Variants in FLT3 observed in about 807,000 individuals in gnomAD.
FLT3 encodes the protein fms related receptor tyrosine kinase 3.
A neutral mutation model predicts 126.6 loss-of-function variants in FLT3; 46 were observed. That is an observed-to-expected ratio of 0.36 (90% CI 0.29 to 0.46). The LOEUF (loss-of-function observed/expected upper bound fraction) is 0.46, where lower values mean the gene tolerates loss of function less well. FLT3 is among the 20% of genes least tolerant of loss of function. FLT3 has a pLI of 1.00. For missense variants in FLT3, 1,069 were observed against 1,190.3 expected, an observed-to-expected ratio of 0.90 and a Z score of 1.50; for synonymous variants, 404 against 434.4, an observed-to-expected ratio of 0.93 and a Z score of 0.87.
rs2491228 is a variant in FLT3, at chr13:28,035,709, A to T, written c.1419-36T>A. ...AAATAGCAAAGAATTTAGACAGGTG[A>T]GCTGTCATCAGATTGGAAGTTAGGA... On this transcript the variant is annotated intron_variant, in intron 11 of 23. Coordinates refer to ENST00000241453, the MANE Select transcript of FLT3 (RefSeq NM_004119.3). 1,173,603 of 1,582,366 alleles carry T rather than the reference A, an allele frequency of 0.74. 446,891 individuals are homozygous for T. Among genetic ancestry groups the T allele is most frequent in the Non-Finnish European group, 0.78 (912,791 of 1,165,002 alleles).
intron 1 of FLT3, among the ~76,000 whole-genome samples, chr13:28,075,939 G>A (rs1877896484): frequency 1.3e-5 from 2 of 151,698 alleles, no homozygotes; most frequent in East Asian, 2.0e-4. Context: ...GTGATTACAG[G>A]CATGCACCAC....
At chr13:28,091,422 C>T (rs201282130) in intron 1 of FLT3, among the ~76,000 whole-genome samples, 6 of 149,866 alleles carry the variant, frequency 4.0e-5, no homozygotes, top group Non-Finnish European at 5.9e-5. Context: ...GGGGTTTCAC[C>T]GTGTTAGCCA....
At chr13:28,040,249 G>C (rs1371181499) in intron 9 of FLT3, among the ~76,000 whole-genome samples, 1 of 152,168 alleles carries the variant, frequency 6.6e-6, no homozygotes, top group Non-Finnish European at 1.5e-5. Flanking sequence ...TCTGTGATAG[G>C]AGAAGTAAAA....
At chr13:28,027,476 T>C (rs1449547194) in intron 16 of FLT3, among the ~76,000 whole-genome samples, 2 of 152,244 alleles carry the variant, frequency 1.3e-5, no homozygotes, top group South Asian at 4.1e-4. Flanking sequence ...TTTGTATGTG[T>C]GGCCTCACCA....
At chr13:28,082,511 T>A (rs1214658704) in intron 1 of FLT3, among the ~76,000 whole-genome samples, 2 of 151,838 alleles carry the variant, frequency 1.3e-5, no homozygotes, top group African/African-American at 4.8e-5. Context: ...AATTTTTTTT[T>A]TTGAGACATG....
At chr13:28,086,626 G>GTGTA (rs202098142) in intron 1 of FLT3, among the ~76,000 whole-genome samples, 17,313 of 142,660 alleles carry the variant, frequency 0.12, 1,122 homozygotes, top group Middle Eastern at 0.21. Flanking sequence ...ACTCGTGTGT[G>GTGTA]TGTGTGTGTG....
chr13:28,022,167 A>C (rs1306885105), intron 19 of FLT3, among the ~76,000 whole-genome samples: 1 of 152,160 alleles, frequency 6.6e-6, no homozygotes, highest in Admixed American at 6.5e-5. Flanking sequence ...CCTCCCAAGT[A>C]GCTGGAACTG....
intron 15 of FLT3, 141 bp from the exon 16 acceptor site, chr13:28,028,429 G>A: frequency 1.7e-6 from 1 of 604,304 alleles, no homozygotes; most frequent in East Asian, 2.8e-5. Context: ...AGGCATGGTG[G>A]GTCATGCCTG....
At chr13:28,044,670 G>C (rs1048732289) in intron 9 of FLT3, among the ~76,000 whole-genome samples, 1 of 152,068 alleles carries the variant, frequency 6.6e-6, no homozygotes, top group Non-Finnish European at 1.5e-5. Context: ...GCTGTGTGTC[G>C]TCAGTGGCCC....
rs201504848 is a variant in FLT3 at position 28,015,185 on chromosome 13, C to G, written c.2725G>C (p.Asp909His). 1.2e-4 allele frequency: 191 copies of G among 1,609,256 alleles called. No individual in the cohort carries two copies. Among genetic ancestry groups the G allele is most frequent in the Non-Finnish European group, 9.9e-5 (116 of 1,175,950 alleles). ...TCTTCTGTAGCATAAAATGGCTGAT[C>G]CATTTTAAATCCATTTTGAATCAGT... ...YKLIQNGFKM[D>H]QPFYATEEIY... The change falls in exon 22 of 24, where the codon GAT (aspartate) becomes CAT (histidine). Residue 909 changes from aspartate to histidine, a missense_variant. Physicochemically the swap from Asp to His is moderately conservative, Grantham distance 81. Coordinates refer to ENST00000241453, the MANE Select transcript of FLT3 (RefSeq NM_004119.3).
intron 9 of FLT3, among the ~76,000 whole-genome samples, chr13:28,046,304 G>C (rs1283655742): frequency 6.6e-6 from 1 of 152,046 alleles, no homozygotes; most frequent in African/African-American, 2.4e-5. Flanking sequence ...TCCCAACAAG[G>C]GACTTTTAGT....
At chr13:28,091,216 T>TC (rs1879019599) in intron 1 of FLT3, among the ~76,000 whole-genome samples, 2 of 103,050 alleles carry the variant, frequency 1.9e-5, no homozygotes, top group South Asian at 3.4e-4. Context: ...TCTTTTTTTT[T>TC]TTTTTTTTTT....
intron 5 of FLT3, among the ~76,000 whole-genome samples, chr13:28,051,545 C>CTTACTTATAAGATAATTCTA (rs1491569306): frequency 1.4e-5 from 2 of 140,892 alleles, no homozygotes; most frequent in East Asian, 2.0e-4. Context: ...CCTATAATTT[C>CTTACTTATAAGATAATTCTA]CCTTTTTTTT....
At chr13:28,005,096 G>A (rs981628623) in intron 23 of FLT3, among the ~76,000 whole-genome samples, 5 of 152,212 alleles carry the variant, frequency 3.3e-5, no homozygotes, top group South Asian at 2.1e-4. Flanking sequence ...TTGGGATGCC[G>A]AGGCGGGCGG....
chr13:28,012,864 A>G (rs1196377283), intron 23 of FLT3, among the ~76,000 whole-genome samples: 3 of 151,804 alleles, frequency 2.0e-5, no homozygotes, highest in Non-Finnish European at 2.9e-5. Flanking sequence ...TTGAGCTCAC[A>G]GTGTGGAGGC....
intron 4 of FLT3, 89 bp downstream of exon 4, chr13:28,057,258 A>G: frequency 1.4e-6 from 1 of 736,750 alleles, no homozygotes; most frequent in South Asian, 1.4e-5. Context: ...ATATGTCTAG[A>G]GGAGCTGGTC....
In FLT3 at chr13:28,100,413, C is replaced by T. The variant is rs1593317301; in HGVS notation, c.43+55G>A. On this transcript the variant is annotated intron_variant, in intron 1 of 23. Coordinates refer to ENST00000241453, the MANE Select transcript of FLT3 (RefSeq NM_004119.3). The surrounding 1 kb of genome is among the most constrained non-coding windows in gnomAD (Gnocchi z 4.8). ...GAGGCGCGCGCCCGGGTCCACACTG[C>T]GGGGTGGGGGCTGAGGGACCGCGAG... 2.6e-6 allele frequency: 3 copies of T among 1,161,802 alleles called. No homozygotes were observed. Among genetic ancestry groups the T allele is most frequent in the Admixed American group, 8.9e-5 (2 of 22,434 alleles). 72.0% of individuals were successfully genotyped at this position (1,161,802 alleles called of 1,614,324 possible).
chr13:28,025,144 C>T (rs1872697469), intron 17 of FLT3: 1 of 566,594 alleles, frequency 1.8e-6, no homozygotes, highest in Admixed American at 3.4e-5. Context: ...TAAAAGTAAT[C>T]CCTGTTTTCC....
chr13:28,035,810 G>A (rs1424506947), intron 11 of FLT3, 125 bp downstream of exon 11: 9 of 1,210,216 alleles, frequency 7.4e-6, no homozygotes, highest in Non-Finnish European at 1.1e-5. Context: ...GAGAGTTATG[G>A]TTGATTGAGA....
Sources: gnomAD v4.1 joint callset for allele counts (sites outside exome capture counted in the v4.1 genomes callset) on GRCh38, gnomAD v4.1.1 for gene constraint, Gnocchi (gnomAD v3.1) non-coding constraint, MANE v1.5 for transcripts, NCBI Gene and HGNC (gene_info 2026-07-23, HGNC 2026-07-21) for gene names.